PCDH15: variants seen among roughly 807,000 people sequenced by gnomAD.
PCDH15 encodes protocadherin related 15, also known as protocadherin-15.
A neutral mutation model predicts 178.5 loss-of-function variants in PCDH15; 129 were observed. The ratio of observed to expected loss-of-function variants is 0.72; its 90% confidence interval spans 0.63 to 0.84. The LOEUF (loss-of-function observed/expected upper bound fraction) is 0.84, where lower values mean the gene tolerates loss of function less well. Among genes scored for constraint, PCDH15 ranks in the 40% least tolerant of loss-of-function variants. The pLI, the probability that PCDH15 is intolerant of heterozygous loss-of-function variation, is 0.00. For synonymous variants in PCDH15, 800 were observed against 732.0 expected (o/e 1.09, Z -1.50); for missense variants, 2,230 against 2,099.9 (o/e 1.06, Z -1.21).
intron 15 of PCDH15, among the ~76,000 whole-genome samples, chr10:54,091,657 A>G (rs75512121): frequency 0.018 from 2,776 of 152,336 alleles, 35 homozygotes; most frequent in Non-Finnish European, 0.031. Flanking sequence ...GTTCTGTAAG[A>G]AAATCTTTGC....
chr10:54,195,078 T>A (rs1350206326), intron 11 of PCDH15, among the ~76,000 whole-genome samples: 2 of 152,210 alleles, frequency 1.3e-5, no homozygotes, highest in Non-Finnish European at 2.9e-5. Flanking sequence ...AGATTTTCTG[T>A]CCCTTTATAA....
chr10:54,266,954 C>T (rs1157738876), intron 8 of PCDH15, among the ~76,000 whole-genome samples: 1 of 151,694 alleles, frequency 6.6e-6, no homozygotes, highest in East Asian at 1.9e-4. Context: ...ATCCTGATAC[C>T]AAAATATGGC....
At chr10:54,643,666 A>T (rs2094048085) in intron 2 of PCDH15, among the ~76,000 whole-genome samples, 1 of 150,148 alleles carries the variant, frequency 6.7e-6, no homozygotes, top group Non-Finnish European at 1.5e-5. Context: ...TGTATTTGGT[A>T]TAGATTCAGA....
At chr10:54,298,153 C>T (rs777278454) in intron 8 of PCDH15, among the ~76,000 whole-genome samples, 1 of 152,112 alleles carries the variant, frequency 6.6e-6, no homozygotes, top group Non-Finnish European at 1.5e-5. Context: ...GAAGAAAATC[C>T]TGCCTTCCTC....
chr10:54,798,079 A>G (rs2133669316), intron 1 of PCDH15, among the ~76,000 whole-genome samples: 1 of 152,168 alleles, frequency 6.6e-6, no homozygotes, highest in South Asian at 2.1e-4. Context: ...TGCTTCCAGT[A>G]TTCAATTTAA....
intron 1 of PCDH15, among the ~76,000 whole-genome samples, chr10:54,678,828 T>C (rs1288865077): frequency 6.6e-6 from 1 of 152,218 alleles, no homozygotes; most frequent in Admixed American, 6.5e-5. Flanking sequence ...TAAATAGATA[T>C]AGACCTGATG....
At chr10:54,542,458 A>G (rs2085351279) in intron 2 of PCDH15, among the ~76,000 whole-genome samples, 1 of 152,194 alleles carries the variant, frequency 6.6e-6, no homozygotes. Context: ...GTGAATATCC[A>G]AGGGTGGAAT....
At chr10:55,325,519 C>G (rs1268170943) in intron 2 of PCDH15, among the ~76,000 whole-genome samples, 1 of 152,044 alleles carries the variant, frequency 6.6e-6, no homozygotes, top group Non-Finnish European at 1.5e-5. Context: ...TAACTATACG[C>G]AGAAGATCAA....
intron 2 of PCDH15, among the ~76,000 whole-genome samples, chr10:54,603,527 A>G (rs1282365078): frequency 6.6e-6 from 1 of 150,650 alleles, no homozygotes; most frequent in Non-Finnish European, 1.5e-5. Flanking sequence ...TTTAATAGGT[A>G]TTAACAAACA....
chr10:54,322,302 A>G, intron 7 of PCDH15, among the ~76,000 whole-genome samples: 1 of 151,930 alleles, frequency 6.6e-6, no homozygotes, highest in East Asian at 1.9e-4. Flanking sequence ...AAATCCACAA[A>G]GAAGATCTCC....
intron 2 of PCDH15, among the ~76,000 whole-genome samples, chr10:55,369,566 T>C (rs1845449587): frequency 6.6e-6 from 1 of 152,100 alleles, no homozygotes; most frequent in Non-Finnish European, 1.5e-5. Context: ...ACTATACAAA[T>C]ACATTAACTA....
Position 54,020,197 on chromosome 10 carries a change from C to T in PCDH15, c.2746G>A (p.Val916Ile), listed in dbSNP as rs1392058999. Residue 916 changes from valine to isoleucine, a missense_variant, in exon 20 of 38, where the codon GTA (valine) becomes ATA (isoleucine). By Grantham distance (29) the Val-to-Ile change is conservative (BLOSUM62 3). Coordinates refer to ENST00000644397, the MANE Select transcript of PCDH15 (RefSeq NM_001384140.1). Reference sequence around the variant, plus strand: ...AAGTCATCTCTAGCCCTTACCTTTACAATCACTGTGACAGTAGCAATACCA... The same window carrying T: ...AAGTCATCTCTAGCCCTTACCTTTATAATCACTGTGACAGTAGCAATACCA... Reference protein sequence around the residue: ...PPGIATVTVIVKDMNDYPPVF... With the variant: ...PPGIATVTVIIKDMNDYPPVF... 1.2e-6 allele frequency: 2 copies of T among 1,613,440 alleles called. No individual in the cohort carries two copies. The highest frequency in any genetic ancestry group is 8.5e-7 in the Non-Finnish European group (1 of 1,179,590).
At chr10:55,156,494 T>C (rs541888737) in intron 2 of PCDH15, among the ~76,000 whole-genome samples, 42 of 152,258 alleles carry the variant, frequency 2.8e-4, no homozygotes, top group Non-Finnish European at 5.7e-4. Flanking sequence ...TTTAACCTAA[T>C]AGTTCATGAG....
chr10:55,156,987 GA>G (rs147002930), intron 2 of PCDH15, among the ~76,000 whole-genome samples: 6,172 of 152,206 alleles, frequency 0.041, 145 homozygotes, highest in Middle Eastern at 0.14. Context: ...GCCCTTGCCT[GA>G]AGGCTGAAAG....
chr10:54,495,644 T>G (rs533523958), intron 3 of PCDH15, among the ~76,000 whole-genome samples: 282 of 152,282 alleles, frequency 1.9e-3, no homozygotes, highest in Middle Eastern at 6.8e-3. Context: ...CTTTTCTTTT[T>G]TATTCATCTC....
chr10:54,422,877 T>G (rs1477724482), intron 3 of PCDH15, among the ~76,000 whole-genome samples: 1 of 152,270 alleles, frequency 6.6e-6, no homozygotes, highest in Admixed American at 6.5e-5. Flanking sequence ...AATCAAAACT[T>G]TCATTTTGAA....
At chr10:54,782,195 T>A (rs1950426769) in intron 1 of PCDH15, among the ~76,000 whole-genome samples, 1 of 152,028 alleles carries the variant, frequency 6.6e-6, no homozygotes, top group Non-Finnish European at 1.5e-5. Flanking sequence ...AAAGGTAAAT[T>A]TTGAGGATGC....
intron 2 of PCDH15, among the ~76,000 whole-genome samples, chr10:54,909,919 G>T (rs546201027): frequency 6.6e-6 from 1 of 152,118 alleles, no homozygotes; most frequent in Non-Finnish European, 1.5e-5. Flanking sequence ...CTCCAGGGGG[G>T]TCTCAGGGGA....
At chr10:55,479,070 G>C (rs1840120626) in intron 2 of PCDH15, among the ~76,000 whole-genome samples, 2 of 151,104 alleles carry the variant, frequency 1.3e-5, no homozygotes, top group South Asian at 4.2e-4. Context: ...ATTCAAGGAA[G>C]AAAAAATACC....
Sources: allele counts gnomAD v4.1 joint callset (sites outside exome capture counted in the v4.1 genomes callset), GRCh38; gene constraint gnomAD v4.1.1; transcripts MANE v1.5; gene names NCBI Gene and HGNC (gene_info 2026-07-23, HGNC 2026-07-21).